DAPK1: variants seen among roughly 807,000 people sequenced by gnomAD.
DAPK1 encodes the protein death associated protein kinase 1.
A neutral mutation model predicts 144.9 loss-of-function variants in DAPK1; 56 were observed. The observed-to-expected ratio is 0.39, with a 90% CI of 0.31 to 0.48. The LOEUF is 0.48. Among genes scored for constraint, DAPK1 ranks in the 20% least tolerant of loss-of-function variants. DAPK1 has a pLI of 0.95. For missense variants in DAPK1, 1,454 were observed against 1,875.4 expected (o/e 0.78, Z 4.15); for synonymous variants, 690 against 749.0 (o/e 0.92, Z 1.29).
At position 87,652,144 on chromosome 9, in the gene DAPK1, T is replaced by C. The variant is rs79898806; in HGVS notation, c.1824+420T>C. On this transcript the variant is annotated intron_variant, in intron 17 of 25. Coordinates refer to ENST00000408954, the MANE Select transcript of DAPK1 (RefSeq NM_004938.4). The stretch of plus-strand genomic sequence containing the variant: ...GATTCTGTGTCCATTCCCCCGATCC[T>C]GGGTCCTGATTCTGTGTCCTCCCAC... Among the ~76,000 whole-genome samples, 452 of 92,920 alleles carry C rather than the reference T, an allele frequency of 4.9e-3. 13 individuals are homozygous for C. The highest frequency in any genetic ancestry group is 0.047 in the East Asian group (115 of 2,470). 61.0% of individuals were successfully genotyped at this position (92,920 alleles called of 152,430 possible).
At chr9:87,560,819 C>T (rs1267162712) in intron 2 of DAPK1, among the ~76,000 whole-genome samples, 2 of 152,150 alleles carry the variant, frequency 1.3e-5, no homozygotes, top group East Asian at 1.9e-4. Context: ...GCACCCACCA[C>T]CACGCCCGGC....
At chr9:87,510,416 T>G (rs1270806416) in intron 2 of DAPK1, among the ~76,000 whole-genome samples, 1 of 152,216 alleles carries the variant, frequency 6.6e-6, no homozygotes, top group African/African-American at 2.4e-5. Flanking sequence ...ACCTGGAGAA[T>G]GAGAAGGAAA....
rs577013437 is a variant in DAPK1, at chr9:87,501,537, T to C, written c.62+2398T>C. On this transcript the variant is annotated intron_variant, in intron 2 of 25. Transcript: ENST00000408954. ...TCCAGCCTGGGTGATACAGCGAGAC[T>C]CTGTCTCAAAAAAAAAAGAAAGAAA... Among the ~76,000 whole-genome samples, 3 of 151,666 alleles carry C rather than the reference T, an allele frequency of 2.0e-5. No individual in the cohort carries two copies. The South Asian group carries it at 6.2e-4, about 32-fold the overall frequency.
chr9:87,506,616 T>G (rs1563963402), intron 2 of DAPK1, among the ~76,000 whole-genome samples: 1 of 152,256 alleles, frequency 6.6e-6, no homozygotes, highest in South Asian at 2.1e-4. Flanking sequence ...ACAACTAGTC[T>G]GGCTAGCTTA....
At chr9:87,613,483 C>T (rs1044967192) in intron 3 of DAPK1, among the ~76,000 whole-genome samples, 2 of 152,164 alleles carry the variant, frequency 1.3e-5, no homozygotes, top group Non-Finnish European at 2.9e-5. Context: ...TGTAGGATCA[C>T]GGTTCAGTTG....
intron 2 of DAPK1, among the ~76,000 whole-genome samples, chr9:87,574,610 C>T (rs1371693118): frequency 6.6e-6 from 1 of 152,136 alleles, no homozygotes; most frequent in Non-Finnish European, 1.5e-5. Flanking sequence ...AAACTGCTGG[C>T]AGTCATCTAA....
At chr9:87,701,092 C>T (rs1379684882) in intron 24 of DAPK1, among the ~76,000 whole-genome samples, 2 of 152,026 alleles carry the variant, frequency 1.3e-5, no homozygotes, top group Non-Finnish European at 2.9e-5. Flanking sequence ...CCCTGATAAT[C>T]AATACAGTTA....
intron 10 of DAPK1, among the ~76,000 whole-genome samples, chr9:87,642,705 T>G (rs1830137477): frequency 6.6e-6 from 1 of 152,154 alleles, no homozygotes; most frequent in African/African-American, 2.4e-5. Flanking sequence ...GCCAGAAATG[T>G]ACCTCGTTTT....
intron 2 of DAPK1, among the ~76,000 whole-genome samples, chr9:87,548,397 A>G (rs1176127036): frequency 1.3e-5 from 2 of 152,034 alleles, no homozygotes; most frequent in South Asian, 2.1e-4. Context: ...ATTCTCTCCT[A>G]TATTTTCTCT....
chr9:87,660,250 G>T lies in DAPK1; in HGVS notation c.1923+2123G>T, dbSNP rs1564054970. ...CCGGCCTTCCCCGCAGGGAACCGGG[G>T]CTTCCTCTCCCGTGGGCAGCCAGGG... On this transcript the variant is annotated intron_variant, in intron 18 of 25. Transcript: ENST00000408954. Among the ~76,000 whole-genome samples, 4 of 152,168 alleles carry T rather than the reference G, an allele frequency of 2.6e-5. No homozygotes were observed. In the South Asian group the frequency reaches 6.2e-4, roughly 24 times the overall value.
intron 19 of DAPK1, among the ~76,000 whole-genome samples, chr9:87,672,263 C>T (rs1824198017): frequency 6.6e-6 from 1 of 152,130 alleles, no homozygotes; most frequent in Admixed American, 6.5e-5. Flanking sequence ...ATTGAGCGCT[C>T]AGTGTGTGTG....
chr9:87,545,359 G>T (rs1350004033), intron 2 of DAPK1, among the ~76,000 whole-genome samples: 1 of 152,102 alleles, frequency 6.6e-6, no homozygotes, highest in East Asian at 1.9e-4. Context: ...CGTAATGGCT[G>T]CTTTAATTAA....
rs761791307 is a variant in DAPK1 at position 87,639,377 on chromosome 9, T to C, written c.447T>C (p.Asp149=). The change falls in exon 5 of 26, where the codon GAT becomes GAC. Residue 149 remains aspartate, a synonymous_variant. Coordinates refer to ENST00000408954, the MANE Select transcript of DAPK1 (RefSeq NM_004938.4). ...DLKPENIMLL[D]RNVPKPRIKI... is the part of the protein sequence containing the mutation. ...AGCCTGAGAACATAATGCTTTTGGA[T>C]AGAAATGTCCCCAAACCTCGGATCA... The C allele has an allele frequency of 6.8e-6, 11 of 1,610,436 alleles. No homozygotes were observed. In the African/African-American group the frequency reaches 1.2e-4, roughly 18 times the overall value.
At chr9:87,676,686 T>C (rs550381516) in intron 19 of DAPK1, among the ~76,000 whole-genome samples, 123 of 152,352 alleles carry the variant, frequency 8.1e-4, no homozygotes, top group Middle Eastern at 6.8e-3. Flanking sequence ...TGGCCAAGGC[T>C]GACAGCTCCT....
At chr9:87,618,362 A>T (rs1174505039) in intron 3 of DAPK1, among the ~76,000 whole-genome samples, 10 of 152,232 alleles carry the variant, frequency 6.6e-5, no homozygotes, top group Admixed American at 6.5e-4. Flanking sequence ...CCACTTTGGG[A>T]AACAGTTTGT....
chr9:87,613,101 G>A (rs1398214679), intron 3 of DAPK1, among the ~76,000 whole-genome samples: 1 of 152,136 alleles, frequency 6.6e-6, no homozygotes, highest in Admixed American at 6.5e-5. Context: ...TTTGTGACAG[G>A]AAATTCCATT....
intron 2 of DAPK1, among the ~76,000 whole-genome samples, chr9:87,516,921 G>A (rs577730023): frequency 1.4e-4 from 22 of 152,258 alleles, no homozygotes; most frequent in Non-Finnish European, 2.4e-4. Context: ...GGTCAGGTAC[G>A]TACTATCTGG....
chr9:87,675,630 G>A (rs57096706), intron 19 of DAPK1, among the ~76,000 whole-genome samples: 3,094 of 151,948 alleles, frequency 0.02, 95 homozygotes, highest in African/African-American at 0.07. Context: ...GAATTCTCCC[G>A]GCTGCTCAGA....
At chr9:87,577,128 C>T (rs1827590226) in intron 2 of DAPK1, among the ~76,000 whole-genome samples, 1 of 152,194 alleles carries the variant, frequency 6.6e-6, no homozygotes, top group African/African-American at 2.4e-5. Context: ...TGGTATGGAA[C>T]TCAAGATCAA....
Sources: allele counts gnomAD v4.1 joint callset (sites outside exome capture counted in the v4.1 genomes callset), GRCh38; gene constraint gnomAD v4.1.1; transcripts MANE v1.5; gene names NCBI Gene and HGNC (gene_info 2026-07-23, HGNC 2026-07-21).